Variants in NRBP1 observed in about 807,000 individuals in gnomAD.
The protein encoded by NRBP1 is nuclear receptor-binding protein.
NRBP1 carries 10 observed loss-of-function variants against 76.0 expected under a neutral mutation model. The observed-to-expected ratio is 0.13, with a 90% CI of 0.08 to 0.22. NRBP1 has a LOEUF of 0.22. Among genes scored for constraint, NRBP1 ranks in the 10% least tolerant of loss-of-function variants. NRBP1 has a pLI of 1.00. For synonymous variants in NRBP1, 235 were observed against 240.2 expected, an observed-to-expected ratio of 0.98 and a Z score of 0.20; for missense variants, 344 against 646.0, an observed-to-expected ratio of 0.53 and a Z score of 5.07.
In NRBP1 at chr2:27,441,712, A is replaced by G; in HGVS notation, c.1508A>G (p.Asp503Gly). The part of the protein sequence containing the change: ...LVQLGFISEA[D>G]QSRLTSLLEE... ...TACTGAGCTCTTCTCCCCCAGGCTGACCAGAGCCGGTTGACTTCTCTGCTA... is the reference window on the plus strand; with the variant it reads ...TACTGAGCTCTTCTCCCCCAGGCTGGCCAGAGCCGGTTGACTTCTCTGCTA... Residue 503 changes from aspartate to glycine, a missense_variant, in exon 18 of 18, where the codon GAC (aspartate) becomes GGC (glycine). By Grantham distance (94) the Asp-to-Gly change is moderately conservative. Around this residue, in one of 3 missense-constraint regions of NRBP1, gnomAD observed 218 missense variants for 309.8 expected, o/e 0.70. Transcript: ENST00000379852. 1 of 1,613,658 alleles carries G rather than the reference A, an allele frequency of 6.2e-7. No individual in the cohort carries two copies. The highest frequency in any genetic ancestry group is 8.5e-7 in the Non-Finnish European group (1 of 1,179,774).
chr2:27,438,945 C>G (rs1413058370), intron 10 of NRBP1, among the ~76,000 whole-genome samples: 1 of 152,004 alleles, frequency 6.6e-6, no homozygotes, highest in Non-Finnish European at 1.5e-5. Flanking sequence ...GTTGGCACAG[C>G]AAGACCCTGT....
chr2:27,434,018 G>C lies in NRBP1; in HGVS notation c.363G>C (p.Leu121=). Residue 121 remains leucine, a synonymous_variant, in exon 4 of 18, where the codon CTG becomes CTC. Transcript: ENST00000379852. ...AGGTTCGTGCTGTGTTTGATAATCT[G>C]ATTCAATTGGAGCATCTTAACATTG... is the stretch of plus-strand genomic sequence containing the variant. The part of the protein sequence containing the change: ...EEKVRAVFDN[L]IQLEHLNIVK... The C allele has an allele frequency of 6.2e-7, 1 of 1,614,150 alleles. No individual in the cohort carries two copies. The highest frequency in any genetic ancestry group is 1.1e-5 in the South Asian group (1 of 91,088).
rs199714909 is a variant in NRBP1, at chr2:27,440,842, C to T, written c.1231C>T (p.Arg411Trp). The change falls in exon 14 of 18, where the codon CGG becomes TGG. Residue 411 changes from arginine to tryptophan, a missense_variant. By Grantham distance (101) the Arg-to-Trp change is moderately radical (BLOSUM62 -3). Transcript: ENST00000379852. The part of the protein sequence containing the change: ...IYPLTAFGLP[R>W]PQQPQQEEVT... ...TCCTCTGACAGCCTTTGGGCTGCCT[C>T]GGCCCCAGCAGCCACAGCAGGAGGA... 12 of 1,613,886 alleles carry T rather than the reference C, an allele frequency of 7.4e-6. No individual in the cohort carries two copies. The highest frequency in any genetic ancestry group is 6.7e-5 in the East Asian group (3 of 44,880).
intron 10 of NRBP1, among the ~76,000 whole-genome samples, chr2:27,438,197 G>C (rs1418856360): frequency 1.3e-5 from 2 of 151,122 alleles, no homozygotes; most frequent in Non-Finnish European, 2.9e-5. Flanking sequence ...AAAAAAGTAT[G>C]TTAATTTGAA....
rs1450060996 is a variant in NRBP1 at position 27,441,276 on chromosome 2, C to A, written c.1393C>A (p.Leu465Met). The change falls in exon 16 of 18, where the codon CTG becomes ATG. Residue 465 changes from leucine (L) to methionine (M), a missense_variant. Physicochemically the swap from Leu to Met is conservative, Grantham distance 15. Transcript: ENST00000379852. ...CTGTCCTATTCTCCAGCTGACACTT[C>A]TGCTGAAGTTGGAGGACAAACTGAA... ...EEGVKHHLTL[L>M]LKLEDKLNRH... The A allele has an allele frequency of 6.2e-7, 1 of 1,614,124 alleles. No individual in the cohort carries two copies. The highest frequency in any genetic ancestry group is 8.5e-7 in the Non-Finnish European group (1 of 1,180,024).
chr2:27,441,215 A>G, intron 15 of NRBP1, 35 bp downstream of exon 15: 2 of 1,613,972 alleles, frequency 1.2e-6, no homozygotes, highest in Non-Finnish European at 1.7e-6. Flanking sequence ...CAGGGCTAGT[A>G]GCCAGAGGGT....
At chr2:27,433,188 A>T in intron 1 of NRBP1, 66 bp from the exon 2 acceptor site, 1 of 1,214,830 alleles carries the variant, frequency 8.2e-7, no homozygotes, top group Non-Finnish European at 1.2e-6. Flanking sequence ...CTGGATTACT[A>T]AATCTTTACA....
rs1159246281 is a variant in NRBP1 at position 27,441,779 on chromosome 2, C to A, written c.1575C>A (p.Thr525=). ...AGTTCAATTTTGCCAGGAACAGTAC[C>A]CTCAACTCAGCCGCTGTCACCGTCT... The part of the protein sequence containing the change: ...LNKFNFARNS[T]LNSAAVTVSS Residue 525 remains threonine (T), a synonymous_variant, in exon 18 of 18, where the codon ACC becomes ACA. Transcript: ENST00000379852. 2 of 1,613,602 alleles carry A rather than the reference C, an allele frequency of 1.2e-6. No individual in the cohort carries two copies. The highest frequency in any genetic ancestry group is 3.3e-5 in the Admixed American group (2 of 59,982).
chr2:27,435,654 C>G (rs997893272), intron 7 of NRBP1: 1 of 717,518 alleles, frequency 1.4e-6, no homozygotes, highest in Non-Finnish European at 2.6e-6. Flanking sequence ...TGGGGCTTGG[C>G]TGCTCCATCG....
At chr2:27,439,734 T>C in intron 10 of NRBP1, 32 bp from the exon 11 acceptor site, 1 of 1,613,248 alleles carries the variant, frequency 6.2e-7, no homozygotes, top group Non-Finnish European at 8.5e-7. Flanking sequence ...GCTTGCCAGA[T>C]GCCTGCTCCA....
chr2:27,435,573 G>C (rs1453488939), intron 7 of NRBP1: 1 of 679,208 alleles, frequency 1.5e-6, no homozygotes, highest in Non-Finnish European at 2.7e-6. Flanking sequence ...GCTTTCGTTT[G>C]CTGTGTATTG....
At chr2:27,431,362 C>G (rs1664848433) in intron 1 of NRBP1, among the ~76,000 whole-genome samples, 1 of 152,136 alleles carries the variant, frequency 6.6e-6, no homozygotes, top group African/African-American at 2.4e-5. Flanking sequence ...AACTTCAGAG[C>G]CTTTGAGCAA....
chr2:27,430,478 T>TTTTTTTTTTC (rs1553317017), intron 1 of NRBP1, among the ~76,000 whole-genome samples: 73 of 137,748 alleles, frequency 5.3e-4, no homozygotes, highest in African/African-American at 8.9e-4. Context: ...TCTTTTTTTT[T>TTTTTTTTTTC]TTTTTTTTGA....
chr2:27,439,934 A>G (rs764542054), intron 11 of NRBP1, 36 bp downstream of exon 11: 2 of 1,578,528 alleles, frequency 1.3e-6, no homozygotes, highest in Non-Finnish European at 1.7e-6. Context: ...ATAGTCTTCC[A>G]ATCTGGAGCC....
chr2:27,440,304 AG>A, intron 11 of NRBP1, 98 bp from the exon 12 acceptor site: 1 of 830,744 alleles, frequency 1.2e-6, no homozygotes, highest in Non-Finnish European at 2.1e-6. Context: ...CCACTGTGCC[AG>A]GCCTCCAAAG....
chr2:27,435,263 C>A (rs188889868), intron 7 of NRBP1, 36 bp downstream of exon 7: 2 of 1,579,338 alleles, frequency 1.3e-6, no homozygotes, highest in Admixed American at 1.7e-5. Flanking sequence ...AGGGGAGCCT[C>A]GGGAATTTGG....
intron 7 of NRBP1, chr2:27,436,473 A>G (rs1234797396): frequency 2.5e-6 from 1 of 400,454 alleles, no homozygotes; most frequent in East Asian, 4.7e-5. Flanking sequence ...TTGCTTCTAG[A>G]CCAGCCTGAA....
intron 9 of NRBP1, 31 bp downstream of exon 9, chr2:27,437,136 G>T (rs1374943901): frequency 6.2e-7 from 1 of 1,606,322 alleles, no homozygotes; most frequent in Admixed American, 1.7e-5. Context: ...GGGGGAAAGG[G>T]GTCAGATGAG....
At chr2:27,434,901 A>G (rs1157972764) in intron 6 of NRBP1, 139 bp downstream of exon 6, 1 of 920,294 alleles carries the variant, frequency 1.1e-6, no homozygotes, top group Non-Finnish European at 1.8e-6. Context: ...TAGGGCCCCT[A>G]CGGGTCTTTT....
Sources: allele counts gnomAD v4.1 joint callset (sites outside exome capture counted in the v4.1 genomes callset), GRCh38; gene constraint gnomAD v4.1.1; regional missense constraint gnomAD v4.1.1; transcripts MANE v1.5; gene names NCBI Gene and HGNC (gene_info 2026-07-23, HGNC 2026-07-21).